The following GPATCH8 variants were observed in gnomAD, a reference collection of about 807,000 sequenced individuals.
The protein encoded by GPATCH8 is G-patch domain containing 8, also known as G patch domain-containing protein 8.
GPATCH8 carries 18 observed loss-of-function variants against 118.3 expected under a neutral mutation model. The ratio of observed to expected loss-of-function variants is 0.15; its 90% CI spans 0.11 to 0.23. GPATCH8 has a LOEUF of 0.23. Ranked by LOEUF, GPATCH8 falls within the 10% of genes least tolerant of loss-of-function variation. The probability of loss-of-function intolerance (pLI) is 1.00; values close to 1 mark genes in which losing one functional copy is unlikely to be tolerated. For missense variants in GPATCH8, 1,631 were observed against 1,873.8 expected (o/e 0.87, Z 2.39); for synonymous variants, 659 against 684.7 (o/e 0.96, Z 0.59).
chr17:44,499,821 C>T (rs1202515943), intron 1 of GPATCH8, among the ~76,000 whole-genome samples: 2 of 151,158 alleles, frequency 1.3e-5, no homozygotes, highest in Non-Finnish European at 2.9e-5. Flanking sequence ...AGGCCAGATT[C>T]TTAAAGGAGT....
At chr17:44,415,653 AC>A (rs1353036354) in intron 6 of GPATCH8, among the ~76,000 whole-genome samples, 1 of 152,176 alleles carries the variant, frequency 6.6e-6, no homozygotes, top group Non-Finnish European at 1.5e-5. Flanking sequence ...CACAACAACA[AC>A]CCAGTTCAGA....
At chr17:44,481,549 T>G (rs1000669523) in intron 1 of GPATCH8, among the ~76,000 whole-genome samples, 1 of 152,216 alleles carries the variant, frequency 6.6e-6, no homozygotes, top group Non-Finnish European at 1.5e-5. Flanking sequence ...TGTCAGAAGC[T>G]ATACACTGGT....
At chr17:44,492,117 T>C (rs537979121) in intron 1 of GPATCH8, among the ~76,000 whole-genome samples, 6 of 151,282 alleles carry the variant, frequency 4.0e-5, no homozygotes, top group South Asian at 2.1e-4. Context: ...CTGGCCAACA[T>C]GGTGAAACCC....
intron 6 of GPATCH8, among the ~76,000 whole-genome samples, chr17:44,417,615 T>C (rs552538074): frequency 6.6e-6 from 1 of 152,274 alleles, no homozygotes; most frequent in Admixed American, 6.5e-5. Flanking sequence ...CCCAACACTA[T>C]TAGCAAGGAG....
chr17:44,459,741 A>C (rs2051474136), intron 3 of GPATCH8, among the ~76,000 whole-genome samples: 1 of 152,116 alleles, frequency 6.6e-6, no homozygotes, highest in Non-Finnish European at 1.5e-5. Context: ...TAAAAAAAAA[A>C]GCAAGACTTG....
In GPATCH8 at chr17:44,396,816, AC is replaced by A. The variant is rs2048795430; in HGVS notation, c.*751del. On this transcript the variant is annotated 3_prime_UTR_variant, in exon 8 of 8. Transcript: ENST00000591680. ...AAATTAAGAAGGAAACATCAACACA[AC>A]AGAAGAAAATATACCCTTCACTTTA... is the stretch of plus-strand genomic sequence containing the variant. 2.2e-6 allele frequency: 1 copy of A among 454,464 alleles called. No individual in the cohort carries two copies. Among genetic ancestry groups the A allele is most frequent in the South Asian group, 1.6e-5 (1 of 64,464 alleles). 28.2% of individuals were successfully genotyped at this position (454,464 alleles called of 1,614,324 possible).
intron 3 of GPATCH8, among the ~76,000 whole-genome samples, chr17:44,457,926 A>T (rs2051396331): frequency 6.6e-6 from 1 of 152,064 alleles, no homozygotes; most frequent in Non-Finnish European, 1.5e-5. Flanking sequence ...CTAAAAAAAA[A>T]TACAAAAAAT....
intron 5 of GPATCH8, among the ~76,000 whole-genome samples, chr17:44,433,370 C>G (rs1236513476): frequency 3.9e-5 from 6 of 152,184 alleles, no homozygotes; most frequent in Non-Finnish European, 7.3e-5. Flanking sequence ...ATGCACCACA[C>G]ACTGTGCTGG....
At chr17:44,418,744 C>G (rs1455317953) in intron 6 of GPATCH8, among the ~76,000 whole-genome samples, 1 of 152,170 alleles carries the variant, frequency 6.6e-6, no homozygotes, top group African/African-American at 2.4e-5. Flanking sequence ...AGCCACCGCG[C>G]CCGGCTAGTC....
intron 1 of GPATCH8, among the ~76,000 whole-genome samples, chr17:44,489,659 T>C (rs1447255962): frequency 1.3e-5 from 2 of 152,094 alleles, no homozygotes; most frequent in Non-Finnish European, 2.9e-5. Context: ...CCCTTTTGAA[T>C]GTTATACTAG....
Position 44,398,831 on chromosome 17 carries a change from A to G in GPATCH8, c.3246T>C (p.Pro1082=). The change falls in exon 8 of 8, where the codon CCT becomes CCC. Residue 1082 remains proline, a synonymous_variant. Coordinates refer to ENST00000591680, the MANE Select transcript of GPATCH8 (RefSeq NM_001002909.4). ...TGGCAGTGACAGAGTTCTTGTCTTC[A>G]GGACTGCAGTCACCTTCTGACCCTC... ...TGRGSEGDCS[P]EDKNSVTAKL... 6.2e-7 allele frequency: 1 copy of G among 1,613,974 alleles called. No individual in the cohort carries two copies. Among genetic ancestry groups the G allele is most frequent in the East Asian group, 2.2e-5 (1 of 44,882 alleles).
At chr17:44,491,846 T>G (rs959979987) in intron 1 of GPATCH8, among the ~76,000 whole-genome samples, 2 of 152,098 alleles carry the variant, frequency 1.3e-5, no homozygotes, top group Non-Finnish European at 2.9e-5. Context: ...TCGTCCTGTG[T>G]TTGGAAGTAC....
Position 44,419,379 on chromosome 17 carries a change from G to T in GPATCH8, c.492+4970C>A, listed in dbSNP as rs561800602. 2.6e-5 allele frequency among the ~76,000 whole-genome samples: 4 copies of T among 152,316 alleles called. No individual in the cohort carries two copies. The South Asian group carries it at 8.3e-4, about 32-fold the overall frequency. On this transcript the variant is annotated intron_variant, in intron 6 of 7. Transcript: ENST00000591680. ...ATTTGGAAAAATGGTAGGTCCATTT[G>T]TATGTTAAGTTCATGTCCATCAAAG...
intron 6 of GPATCH8, among the ~76,000 whole-genome samples, chr17:44,406,401 T>C (rs1309422285): frequency 7.2e-6 from 1 of 139,188 alleles, no homozygotes; most frequent in Non-Finnish European, 1.5e-5. Context: ...ATGAGATAAA[T>C]TGTAATAACA....
intron 1 of GPATCH8, among the ~76,000 whole-genome samples, chr17:44,484,755 G>T (rs1274861278): frequency 6.6e-6 from 1 of 152,154 alleles, no homozygotes; most frequent in Non-Finnish European, 1.5e-5. Context: ...ACTTAATGTT[G>T]TAATTGTCAT....
At chr17:44,457,845 G>T (rs1465252959) in intron 3 of GPATCH8, among the ~76,000 whole-genome samples, 1 of 152,102 alleles carries the variant, frequency 6.6e-6, no homozygotes, top group Non-Finnish European at 1.5e-5. Flanking sequence ...ACTTTGGGAG[G>T]CCGAGGTGGG....
At chr17:44,474,686 T>C (rs113774011) in intron 2 of GPATCH8, 143 bp downstream of exon 2, 7 of 703,942 alleles carry the variant, frequency 9.9e-6, no homozygotes, top group South Asian at 3.0e-5. Context: ...CAAGCTTTAA[T>C]TGATTACTGT....
intron 3 of GPATCH8, among the ~76,000 whole-genome samples, chr17:44,448,579 A>G (rs75872656): frequency 8.0e-4 from 36 of 45,068 alleles, no homozygotes; most frequent in Non-Finnish European, 1.9e-3. Flanking sequence ...AAGAGGAAGA[A>G]GAAGAAGAAG....
intron 4 of GPATCH8, among the ~76,000 whole-genome samples, chr17:44,435,812 A>G (rs2050490190): frequency 6.7e-6 from 1 of 148,686 alleles, no homozygotes; most frequent in African/African-American, 2.4e-5. Context: ...ACCTGAGGTC[A>G]AGAGTTCAAG....
Sources: gnomAD v4.1 joint callset for allele counts (sites outside exome capture counted in the v4.1 genomes callset) on GRCh38, gnomAD v4.1.1 for gene constraint, MANE v1.5 for transcripts, NCBI Gene and HGNC (gene_info 2026-07-23, HGNC 2026-07-21) for gene names.